DMD: variants seen among roughly 807,000 people sequenced by gnomAD.
The protein encoded by DMD is dystrophin.
A neutral mutation model predicts 330.1 loss-of-function variants in DMD; 63 were observed. The observed-to-expected ratio is 0.19, with a 90% CI of 0.16 to 0.24. The LOEUF is 0.24. Ranked by LOEUF, DMD falls within the 10% of genes least tolerant of loss-of-function variation. The pLI is 1.00. For missense variants in DMD, 3,344 were observed against 2,684.1 expected (o/e 1.25, Z -5.43); for synonymous variants, 1,223 against 959.8 (o/e 1.27, Z -5.07).
chrX:31,377,095 A>T lies in DMD; in HGVS notation c.9085-28461T>A, dbSNP rs762452149. 1.7e-3 allele frequency among the ~76,000 whole-genome samples: 196 copies of T among 112,079 alleles called. 1 individual carries two copies. The highest frequency in any genetic ancestry group is 0.012 in the South Asian group (33 of 2,681). On this transcript the variant is annotated intron_variant, in intron 60 of 78. Transcript: ENST00000357033. Reference sequence around the variant, plus strand: ...AAAAAATACTTAAAGTCTGGCACTAAGTTTCTACTCCCTGTTTGTTTTGAT... The same window carrying T: ...AAAAAATACTTAAAGTCTGGCACTATGTTTCTACTCCCTGTTTGTTTTGAT...
intron 13 of DMD, among the ~76,000 whole-genome samples, chrX:32,593,340 A>G (rs752260089): frequency 6.2e-5 from 7 of 112,834 alleles, no homozygotes; most frequent in Non-Finnish European, 1.3e-4. Flanking sequence ...TTCCTGTCAC[A>G]AAAGCTTATT....
intron 49 of DMD, among the ~76,000 whole-genome samples, chrX:31,827,741 A>G (rs1310829308): frequency 8.9e-6 from 1 of 112,068 alleles, no homozygotes; most frequent in Non-Finnish European, 1.9e-5. Flanking sequence ...AGTGGAATAA[A>G]ACTAAAAATC....
chrX:32,666,192 CTTTTT>C (rs962779294), intron 9 of DMD, among the ~76,000 whole-genome samples: 1 of 110,855 alleles, frequency 9.0e-6, no homozygotes. Flanking sequence ...TCCTAGGTGT[CTTTTT>C]TTATTATTAT....
rs186236994 is a variant in DMD at position 32,386,858 on chromosome X, A to C, written c.4519-393T>G. On this transcript the variant is annotated intron_variant, in intron 32 of 78. Transcript: ENST00000357033. ...TTTGGATGAATTAATTCACTCCTAC[A>C]TCGGGTATTTATTGAGTGGTTACTA... is the stretch of plus-strand genomic sequence containing the variant. Among the ~76,000 whole-genome samples the C allele has an allele frequency of 3.0e-3, 330 of 110,393 alleles. 3 individuals are homozygous for C. Among genetic ancestry groups the C allele is most frequent in the African/African-American group, 9.4e-3 (289 of 30,628 alleles).
At chrX:32,121,241 G>C (rs1408073284) in intron 44 of DMD, among the ~76,000 whole-genome samples, 2 of 111,360 alleles carry the variant, frequency 1.8e-5, no homozygotes, top group East Asian at 5.7e-4. Flanking sequence ...CGCTAAGGAA[G>C]TGTGGCAGTC....
At position 32,254,267 on chromosome X, in the gene DMD, C is replaced by T. The variant is rs762647121; in HGVS notation, c.6290+33262G>A. 3.4e-4 allele frequency among the ~76,000 whole-genome samples: 38 copies of T among 111,675 alleles called. No individual in the cohort carries two copies. In the South Asian group the frequency reaches 3.7e-3, roughly 11 times the overall value. ...ATGTTGGCTGGGCTGGACTCTAACT[C>T]CTGGCCTCAAGTGATCTGCCCACCT... On this transcript the variant is annotated intron_variant, in intron 43 of 78. Coordinates refer to ENST00000357033, the MANE Select transcript of DMD (RefSeq NM_004006.3).
At chrX:32,582,846 A>T (rs1271333370) in intron 13 of DMD, among the ~76,000 whole-genome samples, 12 of 111,392 alleles carry the variant, frequency 1.1e-4, no homozygotes, top group African/African-American at 3.9e-4. Context: ...CCTCTTTGAG[A>T]TGTAAATCTT....
At chrX:32,670,419 G>C (rs191159793) in intron 9 of DMD, among the ~76,000 whole-genome samples, 1 of 111,897 alleles carries the variant, frequency 8.9e-6, no homozygotes, top group East Asian at 2.8e-4. Context: ...CATAGGTTTA[G>C]GAATTCAAGA....
intron 30 of DMD, among the ~76,000 whole-genome samples, chrX:32,406,070 T>A (rs1395942540): frequency 2.5e-4 from 28 of 111,705 alleles, no homozygotes; most frequent in Non-Finnish European, 3.4e-4. Flanking sequence ...TATTGGTGTA[T>A]AAGAATGCTT....
At chrX:32,518,459 C>G (rs1446540077) in intron 17 of DMD, among the ~76,000 whole-genome samples, 2 of 106,931 alleles carry the variant, frequency 1.9e-5, no homozygotes, top group African/African-American at 7.2e-5. Context: ...ATAACCTTTT[C>G]TTTTTGGAAA....
At chrX:32,188,880 C>T (rs1242793062) in intron 44 of DMD, among the ~76,000 whole-genome samples, 1 of 110,488 alleles carries the variant, frequency 9.1e-6, no homozygotes, top group Non-Finnish European at 1.9e-5. Flanking sequence ...GCTGGTATTG[C>T]AAGTTTAATG....
At chrX:32,571,888 C>T (rs1418998330) in intron 15 of DMD, among the ~76,000 whole-genome samples, 2 of 110,955 alleles carry the variant, frequency 1.8e-5, no homozygotes, top group East Asian at 2.8e-4. Context: ...TATCTTAATG[C>T]CCAATGCTAC....
intron 45 of DMD, among the ~76,000 whole-genome samples, chrX:31,945,343 T>C (rs1411504920): frequency 8.9e-6 from 1 of 111,999 alleles, no homozygotes; most frequent in African/African-American, 3.2e-5. Flanking sequence ...TTTTTTATTG[T>C]TTTTATTTTT....
intron 1 of DMD, among the ~76,000 whole-genome samples, chrX:33,129,981 A>C (rs1351906203): frequency 2.7e-5 from 3 of 112,130 alleles, no homozygotes; most frequent in Non-Finnish European, 5.6e-5. Flanking sequence ...TGCCCTTTCA[A>C]TCAGATAGAA....
At chrX:32,440,551 T>C (rs1371959697) in intron 28 of DMD, among the ~76,000 whole-genome samples, 1 of 111,476 alleles carries the variant, frequency 9.0e-6, no homozygotes, top group Non-Finnish European at 1.9e-5. Flanking sequence ...ATTCATTACA[T>C]ATAGATAAGT....
intron 43 of DMD, among the ~76,000 whole-genome samples, chrX:32,258,466 T>C (rs2097308348): frequency 9.0e-6 from 1 of 111,438 alleles, no homozygotes; most frequent in South Asian, 3.8e-4. Flanking sequence ...ATATACACCA[T>C]GGAATACTAT....
chrX:31,185,792 G>A (rs377416960), intron 67 of DMD, among the ~76,000 whole-genome samples: 2 of 106,716 alleles, frequency 1.9e-5, no homozygotes, highest in East Asian at 5.8e-4. Flanking sequence ...TTTTTACCAC[G>A]TACTAAACTG....
upstream of DMD, among the ~76,000 whole-genome samples, chrX:33,214,037 C>G (rs5928203): frequency 9.9e-5 from 8 of 81,096 alleles, no homozygotes; most frequent in Non-Finnish European, 1.7e-4. Flanking sequence ...GGTATGTAAC[C>G]TTTTGAGATT....
intron 55 of DMD, among the ~76,000 whole-genome samples, chrX:31,600,879 A>G (rs1306163659): frequency 9.3e-6 from 1 of 107,120 alleles, no homozygotes; most frequent in Non-Finnish European, 1.9e-5. Context: ...AGGAGAGGTG[A>G]CAGCTCTGCT....
Sources: allele counts gnomAD v4.1 joint callset (sites outside exome capture counted in the v4.1 genomes callset), GRCh38; gene constraint gnomAD v4.1.1; transcripts MANE v1.5; gene names NCBI Gene and HGNC (gene_info 2026-07-23, HGNC 2026-07-21).